The following PTPRT variants were observed in gnomAD, a reference collection of about 807,000 sequenced individuals.
PTPRT encodes the protein protein tyrosine phosphatase receptor type T.
Under a neutral mutation model 176.8 loss-of-function variants are expected in PTPRT, and 56 were observed. The observed-to-expected ratio is 0.32, with a 90% CI of 0.26 to 0.40. The LOEUF (loss-of-function observed/expected upper bound fraction) is 0.40. Ranked by LOEUF, PTPRT falls within the 10% of genes least tolerant of loss-of-function variation. The pLI, the probability that PTPRT is intolerant of heterozygous loss-of-function variation, is 1.00. For missense variants in PTPRT, 1,540 were observed against 1,908.2 expected (o/e 0.81, Z 3.60); for synonymous variants, 783 against 739.0 (o/e 1.06, Z -0.96).
chr20:42,066,132 CG>C, the PTPRT span, among the ~76,000 whole-genome samples: 1 of 151,152 alleles, frequency 6.6e-6, no homozygotes, highest in Non-Finnish European at 1.5e-5. Context: ...CTCTGCCTCC[CG>C]GGTTCAAACG....
At chr20:42,534,509 G>A (rs980996698) in intron 7 of PTPRT, among the ~76,000 whole-genome samples, 21 of 152,048 alleles carry the variant, frequency 1.4e-4, no homozygotes, top group Non-Finnish European at 2.6e-4. Context: ...GGTGGCGAGC[G>A]CCTGTAGTCC....
chr20:42,777,510 C>T (rs1345657964), intron 4 of PTPRT, among the ~76,000 whole-genome samples: 2 of 152,176 alleles, frequency 1.3e-5, no homozygotes, highest in African/African-American at 4.8e-5. Flanking sequence ...CCGACACTTA[C>T]TATATCCACT....
rs142332710 is a variant in PTPRT at position 42,292,420 on chromosome 20, C to T, written c.2140-9895G>A. On this transcript the variant is annotated intron_variant, in intron 12 of 30. Transcript: ENST00000373187. ...CAATCTTGGCTCATTGCAACCTCTG[C>T]CTCTTGGGTTCCAGTGATTCTCTTG... 2.5e-3 allele frequency among the ~76,000 whole-genome samples: 373 copies of T among 152,116 alleles called. 1 individual carries two copies. The highest frequency in any genetic ancestry group is 6.8e-3 in the Middle Eastern group (2 of 294).
At chr20:42,131,208 G>T (rs552394174) in intron 18 of PTPRT, among the ~76,000 whole-genome samples, 17 of 152,302 alleles carry the variant, frequency 1.1e-4, no homozygotes, top group Middle Eastern at 3.4e-3. Flanking sequence ...GCCCCAGAGA[G>T]GACTTCCTGG....
chr20:42,558,767 C>T (rs1346402688), intron 7 of PTPRT, among the ~76,000 whole-genome samples: 1 of 152,102 alleles, frequency 6.6e-6, no homozygotes, highest in African/African-American at 2.4e-5. Context: ...ATGTAACCAC[C>T]GACAATACAG....
chr20:42,595,575 CAGCT>C (rs1275398246), intron 7 of PTPRT, among the ~76,000 whole-genome samples: 1 of 152,184 alleles, frequency 6.6e-6, no homozygotes, highest in Non-Finnish European at 1.5e-5. Flanking sequence ...TGCAGGACCT[CAGCT>C]TTGTTAGTCT....
intron 1 of PTPRT, among the ~76,000 whole-genome samples, chr20:43,015,127 A>C (rs1985308357): frequency 6.6e-6 from 1 of 152,198 alleles, no homozygotes; most frequent in Non-Finnish European, 1.5e-5. Context: ...GTGTCATAAG[A>C]GACATGTTCT....
At chr20:43,164,039 C>A (rs1293003975) in intron 1 of PTPRT, among the ~76,000 whole-genome samples, 2 of 152,112 alleles carry the variant, frequency 1.3e-5, no homozygotes, top group African/African-American at 4.8e-5. Context: ...TTTTCTTACC[C>A]CCTGAGTGTC....
Position 42,149,182 on chromosome 20 carries a change from G to A in PTPRT, c.2683-7180C>T, listed in dbSNP as rs1308834250. Among the ~76,000 whole-genome samples, 6 of 152,268 alleles carry A rather than the reference G, an allele frequency of 3.9e-5. 1 individual carries two copies. Among genetic ancestry groups the A allele is most frequent in the Middle Eastern group, 6.8e-3 (2 of 294 alleles). On this transcript the variant is annotated intron_variant, in intron 17 of 30. Transcript: ENST00000373187. The stretch of plus-strand genomic sequence containing the variant: ...ATGATAAGCAGATGCCAGCTTTGGC[G>A]AGAGCTGGGGAAGGAATGTTCCATT...
At chr20:42,363,535 C>T (rs1364066615) in intron 9 of PTPRT, among the ~76,000 whole-genome samples, 2 of 151,400 alleles carry the variant, frequency 1.3e-5, no homozygotes, top group Non-Finnish European at 2.9e-5. Context: ...GTTTCAAACT[C>T]CTGACCTCAG....
At chr20:42,201,517 A>T (rs1312110822) in intron 15 of PTPRT, among the ~76,000 whole-genome samples, 2 of 152,092 alleles carry the variant, frequency 1.3e-5, no homozygotes, top group South Asian at 2.1e-4. Context: ...GTCTGCTGAT[A>T]AAGGTGACAA....
chr20:43,015,047 T>C (rs1159059470), intron 1 of PTPRT, among the ~76,000 whole-genome samples: 1 of 152,190 alleles, frequency 6.6e-6, no homozygotes, highest in Non-Finnish European at 1.5e-5. Flanking sequence ...ATAGAATCCT[T>C]CTCTTTTATG....
chr20:42,870,376 G>A (rs756363055), intron 2 of PTPRT, among the ~76,000 whole-genome samples: 49 of 152,282 alleles, frequency 3.2e-4, no homozygotes, highest in African/African-American at 5.3e-4. Context: ...CATTGTATGC[G>A]TATACCACAT....
Position 42,472,430 on chromosome 20 carries a change from A to G in PTPRT, c.1286T>C (p.Val429Ala). ...SYNLTVQYQY[V>A]FNQQQYEAEE... ...GGCCTCGTACTGCTGCTGGTTGAAC[A>G]CATACTGGTACTGCACGGTGAGGTT... is the stretch of plus-strand genomic sequence containing the variant. Residue 429 changes from valine (V) to alanine (A), a missense_variant, in exon 8 of 31, where the codon GTG becomes GCG. By Grantham distance (64) the Val-to-Ala change is moderately conservative. Coordinates refer to ENST00000373187, the MANE Select transcript of PTPRT (RefSeq NM_007050.6). 6.2e-7 allele frequency: 1 copy of G among 1,614,232 alleles called. No homozygotes were observed. The highest frequency in any genetic ancestry group is 8.5e-7 in the Non-Finnish European group (1 of 1,180,030).
intron 9 of PTPRT, among the ~76,000 whole-genome samples, chr20:42,360,194 C>G (rs2058414150): frequency 6.6e-6 from 1 of 152,186 alleles, no homozygotes; most frequent in Non-Finnish European, 1.5e-5. Context: ...CCTGTGTCAC[C>G]ATCCTGCTCC....
chr20:43,004,964 A>G (rs932022204), intron 1 of PTPRT, among the ~76,000 whole-genome samples: 1 of 152,138 alleles, frequency 6.6e-6, no homozygotes, highest in Non-Finnish European at 1.5e-5. Flanking sequence ...TAGGGATGTA[A>G]GCATCACTCA....
intron 1 of PTPRT, among the ~76,000 whole-genome samples, chr20:42,935,663 A>G (rs949220726): frequency 2.1e-4 from 32 of 152,230 alleles, no homozygotes; most frequent in African/African-American, 7.5e-4. Flanking sequence ...TTCAAAAAGT[A>G]TTTAATGACT....
chr20:42,960,527 G>T (rs1353601727), intron 1 of PTPRT, among the ~76,000 whole-genome samples: 1 of 152,132 alleles, frequency 6.6e-6, no homozygotes, highest in Non-Finnish European at 1.5e-5. Flanking sequence ...ATTTTCAAGG[G>T]ATACAAACAT....
At chr20:42,822,497 A>G (rs753464105) in intron 2 of PTPRT, among the ~76,000 whole-genome samples, 1 of 152,218 alleles carries the variant, frequency 6.6e-6, no homozygotes, top group Non-Finnish European at 1.5e-5. Context: ...ATGGGCAAAG[A>G]CTTCATGACA....
Sources: gnomAD v4.1 joint callset for allele counts (sites outside exome capture counted in the v4.1 genomes callset) on GRCh38, gnomAD v4.1.1 for gene constraint, MANE v1.5 for transcripts, NCBI Gene and HGNC (gene_info 2026-07-23, HGNC 2026-07-21) for gene names.